NFIB: variants seen among roughly 807,000 people sequenced by gnomAD.
The protein encoded by NFIB is nuclear factor I B, also known as nuclear factor 1 B-type.
NFIB carries 11 observed loss-of-function variants against 61.5 expected under a neutral mutation model. The ratio of observed to expected loss-of-function variants is 0.18; its 90% CI spans 0.11 to 0.30. The LOEUF (loss-of-function observed/expected upper bound fraction) is 0.30. NFIB is among the 10% of genes least tolerant of loss of function. NFIB has a pLI of 1.00. For missense variants in NFIB, 471 were observed against 608.9 expected (o/e 0.77, Z 2.38); for synonymous variants, 260 against 216.5 (o/e 1.20, Z -1.76).
chr9:14,148,377 G>A (rs1228321390), intron 5 of NFIB, among the ~76,000 whole-genome samples: 3 of 151,968 alleles, frequency 2.0e-5, no homozygotes, highest in African/African-American at 7.3e-5. Flanking sequence ...GCCTCCCAAA[G>A]TACTGGGAAT....
At chr9:14,273,871 G>C (rs2057800649) in intron 2 of NFIB, among the ~76,000 whole-genome samples, 1 of 152,158 alleles carries the variant, frequency 6.6e-6, no homozygotes, top group Non-Finnish European at 1.5e-5. Context: ...CAGAGCTGTA[G>C]GCTTTTGGTG....
chr9:14,251,012 G>A (rs1201333832), intron 2 of NFIB, among the ~76,000 whole-genome samples: 1 of 152,184 alleles, frequency 6.6e-6, no homozygotes, highest in East Asian at 1.9e-4. Flanking sequence ...CTTAGGTGAT[G>A]TCTATTCCTG....
At chr9:14,195,913 A>C (rs1291298905) in intron 2 of NFIB, among the ~76,000 whole-genome samples, 1 of 152,126 alleles carries the variant, frequency 6.6e-6, no homozygotes, top group African/African-American at 2.4e-5. Context: ...TTTGCAAAAG[A>C]AAATGCATAA....
At chr9:14,472,096 G>C in the NFIB span, among the ~76,000 whole-genome samples, 6 of 152,294 alleles carry the variant, frequency 3.9e-5, no homozygotes, top group Admixed American at 3.9e-4. Context: ...AGAACAATTT[G>C]TCTTGGTCAA....
intron 2 of NFIB, chr9:14,300,069 C>T: frequency 2.5e-6 from 1 of 396,990 alleles, no homozygotes; most frequent in Non-Finnish European, 4.4e-6. Context: ...AAGTTCTCTG[C>T]AGTTTGATGA....
chr9:14,511,886 T>C, the NFIB span, among the ~76,000 whole-genome samples: 3 of 152,226 alleles, frequency 2.0e-5, no homozygotes, highest in African/African-American at 7.2e-5. Context: ...AAGTTCAGAA[T>C]CATTTCATCC....
At chr9:14,343,677 G>A (rs1266161130) in intron 1 of NFIB, among the ~76,000 whole-genome samples, 1 of 152,066 alleles carries the variant, frequency 6.6e-6, no homozygotes, top group African/African-American at 2.4e-5. Context: ...AAAGTTTGGT[G>A]GAGAAGGGAA....
At chr9:14,409,199 G>T in the NFIB span, among the ~76,000 whole-genome samples, 7 of 152,236 alleles carry the variant, frequency 4.6e-5, no homozygotes, top group Admixed American at 3.3e-4. Context: ...AGGAAGTGAT[G>T]AGTTTTGAGT....
intron 3 of NFIB, among the ~76,000 whole-genome samples, chr9:14,166,024 T>A (rs1159176337): frequency 1.3e-5 from 2 of 152,214 alleles, no homozygotes; most frequent in African/African-American, 4.8e-5. Flanking sequence ...CACTAAAATT[T>A]AAAAATGCAG....
chr9:14,166,953 A>G (rs1365738297), intron 3 of NFIB, among the ~76,000 whole-genome samples: 1 of 152,092 alleles, frequency 6.6e-6, no homozygotes, highest in Admixed American at 6.6e-5. Context: ...TCTTCTGGGT[A>G]AACATTTTCT....
At chr9:14,311,079 AT>A (rs1226484834) in intron 1 of NFIB, among the ~76,000 whole-genome samples, 2 of 152,126 alleles carry the variant, frequency 1.3e-5, no homozygotes, top group African/African-American at 4.8e-5. Context: ...AAATCATATG[AT>A]AGTTCTTAAT....
chr9:14,479,246 C>G, the NFIB span, among the ~76,000 whole-genome samples: 7 of 152,148 alleles, frequency 4.6e-5, no homozygotes, highest in Non-Finnish European at 1.0e-4. Flanking sequence ...TGGGGGATTG[C>G]AGGGGGCTCT....
At chr9:14,143,227 T>C (rs1042407274) in intron 6 of NFIB, among the ~76,000 whole-genome samples, 3 of 152,166 alleles carry the variant, frequency 2.0e-5, no homozygotes, top group Admixed American at 1.3e-4. Context: ...TATTGTAATA[T>C]GCTAAAAATA....
At chr9:14,380,055 T>C (rs1365772028) in intron 1 of NFIB, among the ~76,000 whole-genome samples, 1 of 152,198 alleles carries the variant, frequency 6.6e-6, no homozygotes, top group Non-Finnish European at 1.5e-5. Context: ...GGAATATTTC[T>C]GGCTTCTGCC....
intron 2 of NFIB, among the ~76,000 whole-genome samples, chr9:14,288,131 T>C (rs932359090): frequency 5.9e-5 from 9 of 152,230 alleles, no homozygotes; most frequent in African/African-American, 2.2e-4. Context: ...TTCCAAAATA[T>C]CTTAAAACAA....
intron 1 of NFIB, among the ~76,000 whole-genome samples, chr9:14,334,936 A>G (rs1485692617): frequency 6.6e-6 from 1 of 152,218 alleles, no homozygotes; most frequent in African/African-American, 2.4e-5. Context: ...GGAATCAAAC[A>G]GTATGTACTC....
the NFIB span, among the ~76,000 whole-genome samples, chr9:14,475,595 C>T: frequency 5.9e-5 from 9 of 152,086 alleles, no homozygotes; most frequent in African/African-American, 2.2e-4. Context: ...CCCGTATTCC[C>T]CACACCCACA....
the NFIB span, among the ~76,000 whole-genome samples, chr9:14,456,847 T>C: frequency 1.2e-4 from 19 of 152,308 alleles, no homozygotes; most frequent in East Asian, 7.7e-4. Context: ...ATTTATCCTA[T>C]TGATGCACCT....
At chr9:14,399,419 T>C (rs2061720568), upstream of NFIB, among the ~76,000 whole-genome samples, 1 of 152,246 alleles carries the variant, frequency 6.6e-6, no homozygotes, top group African/African-American at 2.4e-5. Context: ...AAAGATGTTT[T>C]ATATGAATAC....
Sources: allele counts gnomAD v4.1 joint callset (sites outside exome capture counted in the v4.1 genomes callset), GRCh38; gene constraint gnomAD v4.1.1; transcripts MANE v1.5; gene names NCBI Gene and HGNC (gene_info 2026-07-23, HGNC 2026-07-21).